The following FBXO11 variants were observed in gnomAD, a reference collection of about 807,000 sequenced individuals.
FBXO11 encodes the protein F-box only protein 11.
FBXO11 carries 13 observed loss-of-function variants against 117.0 expected under a neutral mutation model. The ratio of observed to expected loss-of-function variants is 0.11; its 90% CI spans 0.07 to 0.18. The LOEUF is 0.18. FBXO11 is among the 10% of genes least tolerant of loss of function. FBXO11 has a pLI of 1.00. For missense variants in FBXO11, 767 were observed against 1,164.4 expected, an observed-to-expected ratio of 0.66 and a Z score of 4.97; for synonymous variants, 490 against 380.5, an observed-to-expected ratio of 1.29 and a Z score of -3.35.
At chr2:47,858,448 A>G (rs1431215834) in intron 1 of FBXO11, among the ~76,000 whole-genome samples, 1 of 151,094 alleles carries the variant, frequency 6.6e-6, no homozygotes, top group Non-Finnish European at 1.5e-5. Context: ...TTGGGAGGCC[A>G]AGGTGGGCAG....
intron 1 of FBXO11, among the ~76,000 whole-genome samples, chr2:47,875,738 T>C (rs1352170101): frequency 2.6e-5 from 4 of 152,202 alleles, no homozygotes; most frequent in Non-Finnish European, 1.5e-5. Flanking sequence ...TATCTACCCT[T>C]CTAAATAGTT....
rs1239711184 is a variant in FBXO11, at chr2:47,807,139, G to GTATAGGGCTGTA, written c.*967_*978dup. 2 of 402,588 alleles carry GTATAGGGCTGTA rather than the reference G, an allele frequency of 5.0e-6. No homozygotes were observed. Among genetic ancestry groups the GTATAGGGCTGTA allele is most frequent in the Non-Finnish European group, 9.0e-6 (2 of 222,936 alleles). The allele number at this position is 402,588 out of a possible 1,614,324, so 24.9% of individuals were successfully genotyped here. On this transcript the variant is annotated 3_prime_UTR_variant, in exon 23 of 23. Transcript: ENST00000403359. ...ATGGGGGAGGAAAAGCTATGAAACT[G>GTATAGGGCTGTA]TATAGGGCTGTATATATACTTGTCT... is the stretch of plus-strand genomic sequence containing the variant.
At chr2:47,864,683 G>C (rs1409553136) in intron 1 of FBXO11, among the ~76,000 whole-genome samples, 1 of 152,102 alleles carries the variant, frequency 6.6e-6, no homozygotes, top group African/African-American at 2.4e-5. Context: ...AAACAATAGA[G>C]GCTCTGTCAA....
intron 13 of FBXO11, among the ~76,000 whole-genome samples, chr2:47,821,729 G>A (rs1671403440): frequency 6.6e-6 from 1 of 152,168 alleles, no homozygotes; most frequent in Non-Finnish European, 1.5e-5. Flanking sequence ...GGGTTGCTGT[G>A]AGGTGAGATT....
chr2:47,813,432 T>TTATTTTTATTTATTTA, intron 17 of FBXO11, 55 bp from the exon 18 acceptor site: 2 of 993,816 alleles, frequency 2.0e-6, no homozygotes, highest in African/African-American at 4.7e-5. Context: ...TTAATTTTTT[T>TTATTTTTATTTATTTA]TTTTTTTTTT....
chr2:47,881,684 A>G (rs766994661), intron 1 of FBXO11, among the ~76,000 whole-genome samples: 2 of 152,142 alleles, frequency 1.3e-5, no homozygotes, highest in Non-Finnish European at 2.9e-5. Flanking sequence ...TATTAGTTTG[A>G]TCATTTGTAT....
intron 20 of FBXO11, 46 bp from the exon 21 acceptor site, chr2:47,809,312 AT>A: frequency 7.8e-7 from 1 of 1,289,182 alleles, no homozygotes; most frequent in Non-Finnish European, 1.1e-6. Flanking sequence ...GAATGTTAAT[AT>A]TTTAAAAACC....
At chr2:47,904,896 G>GTCGC (rs1396944320) in intron 1 of FBXO11, among the ~76,000 whole-genome samples, 1 of 151,994 alleles carries the variant, frequency 6.6e-6, no homozygotes, top group Non-Finnish European at 1.5e-5. Context: ...TGGGAGAGGA[G>GTCGC]TCGCTGCTCC....
chr2:47,856,741 A>G (rs553285144), intron 1 of FBXO11, among the ~76,000 whole-genome samples: 1 of 152,378 alleles, frequency 6.6e-6, no homozygotes, highest in South Asian at 2.1e-4. Flanking sequence ...ATCAACCTAC[A>G]TATAAATCAA....
intron 3 of FBXO11, 43 bp downstream of exon 3, chr2:47,839,376 A>C: frequency 6.4e-7 from 1 of 1,556,028 alleles, no homozygotes; most frequent in Non-Finnish European, 8.7e-7. Flanking sequence ...CAAAATTAAA[A>C]AAAATTATTT....
At chr2:47,888,934 C>A (rs1192378892) in intron 1 of FBXO11, among the ~76,000 whole-genome samples, 2 of 152,042 alleles carry the variant, frequency 1.3e-5, no homozygotes, top group African/African-American at 4.8e-5. Context: ...CTTAATCGCA[C>A]CCAGTTTTTA....
At chr2:47,878,154 T>G (rs967258484) in intron 1 of FBXO11, among the ~76,000 whole-genome samples, 3 of 152,116 alleles carry the variant, frequency 2.0e-5, no homozygotes, top group Admixed American at 1.3e-4. Context: ...ACATTCTTTT[T>G]CAGTTTTTTC....
intron 1 of FBXO11, among the ~76,000 whole-genome samples, chr2:47,888,166 T>C (rs1677006966): frequency 6.6e-6 from 1 of 152,196 alleles, no homozygotes; most frequent in African/African-American, 2.4e-5. Context: ...CATGCTCCCA[T>C]CTACCCCTTG....
At chr2:47,901,072 T>C (rs1257667323) in intron 1 of FBXO11, among the ~76,000 whole-genome samples, 7 of 132,202 alleles carry the variant, frequency 5.3e-5, no homozygotes, top group East Asian at 2.7e-4. Flanking sequence ...TGTATATATA[T>C]ACACACGTGT....
chr2:47,895,486 G>C, intron 1 of FBXO11, among the ~76,000 whole-genome samples: 1 of 152,144 alleles, frequency 6.6e-6, no homozygotes, highest in African/African-American at 2.4e-5. Context: ...AGATGGGGTT[G>C]GGAACAGTGA....
In FBXO11 at chr2:47,833,009, A is replaced by G. The variant is rs1672300799; in HGVS notation, c.996T>C (p.Phe332=). 1 of 1,613,834 alleles carries G rather than the reference A, an allele frequency of 6.2e-7. No homozygotes were observed. ...IENTRDSTFV[F]MEGSEDAYVG... ...CATAAGCATCTTCAGAGCCTTCCAT[A>G]AAAACGAAGGTTGAATCTCTAGTGT... is the stretch of plus-strand genomic sequence containing the variant. The change falls in exon 8 of 23, where the codon TTT becomes TTC. Residue 332 remains phenylalanine, a synonymous_variant. Coordinates refer to ENST00000403359, the MANE Select transcript of FBXO11 (RefSeq NM_001190274.2).
In FBXO11 at chr2:47,905,625, C is replaced by A; in HGVS notation, c.96G>T (p.Pro32=). Residue 32 remains proline (P), a synonymous_variant, in exon 1 of 23, where the codon CCG becomes CCT. Coordinates refer to ENST00000403359, the MANE Select transcript of FBXO11 (RefSeq NM_001190274.2). ...GCGGCTGCTGCTGGGGCGGCTGCGG[C>A]GGCGGCTGCTGCGGGGGCTGCTGCT... ...QQQQQPPQQP[P]PQPPQQQPPQ... The A allele has an allele frequency of 7.2e-7, 1 of 1,382,818 alleles. No homozygotes were observed. The highest frequency in any genetic ancestry group is 9.4e-7 in the Non-Finnish European group (1 of 1,065,866). 85.7% of individuals were successfully genotyped at this position (1,382,818 alleles called of 1,614,324 possible).
chr2:47,850,162 G>T (rs192975233), intron 1 of FBXO11, among the ~76,000 whole-genome samples: 2 of 152,174 alleles, frequency 1.3e-5, no homozygotes, highest in East Asian at 1.9e-4. Flanking sequence ...GGGTATGGTG[G>T]GCTGGGGGTG....
chr2:47,813,059 T>A lies in FBXO11; in HGVS notation c.2227+175A>T. The A allele has an allele frequency of 3.0e-6, 2 of 669,202 alleles. 1 individual carries two copies. The highest frequency in any genetic ancestry group is 3.6e-5 in the South Asian group (2 of 55,858). 41.5% of individuals were successfully genotyped at this position (669,202 alleles called of 1,614,324 possible). On this transcript the variant is annotated intron_variant, in intron 18 of 22. Transcript: ENST00000403359. ...AGTGGCTACAAAAGGAAAAGTATTG[T>A]AAACATTTGTCTCTTAACTCTAGGC...
Sources: allele counts gnomAD v4.1 joint callset (sites outside exome capture counted in the v4.1 genomes callset), GRCh38; gene constraint gnomAD v4.1.1; transcripts MANE v1.5; gene names NCBI Gene and HGNC (gene_info 2026-07-23, HGNC 2026-07-21).